Variants in BMP5 observed in about 807,000 individuals in gnomAD.
BMP5 encodes the protein bone morphogenetic protein 5.
A neutral mutation model predicts 46.6 loss-of-function variants in BMP5; 23 were observed. The observed-to-expected ratio is 0.49, with a 90% CI of 0.35 to 0.70. BMP5 has a LOEUF of 0.70. Ranked by LOEUF, BMP5 falls within the 30% of genes least tolerant of loss-of-function variation. BMP5 has a pLI of 0.00. For synonymous variants in BMP5, 204 were observed against 191.9 expected (o/e 1.06, Z -0.52); for missense variants, 545 against 565.6 (o/e 0.96, Z 0.37).
chr6:55,803,465 G>T (rs77355383), intron 2 of BMP5, among the ~76,000 whole-genome samples: 325 of 152,260 alleles, frequency 2.1e-3, no homozygotes, highest in African/African-American at 7.6e-3. Flanking sequence ...TTTGTTTGGG[G>T]CTGCTTTGAA....
intron 3 of BMP5, among the ~76,000 whole-genome samples, chr6:55,788,095 T>C (rs966638881): frequency 2.0e-5 from 3 of 151,636 alleles, no homozygotes; most frequent in Admixed American, 2.0e-4. Context: ...TTCTACTGTT[T>C]AACGCTTACT....
In BMP5 at chr6:55,807,590, G is replaced by A. The variant is rs375243404; in HGVS notation, c.683+12065C>T. ...ATGCTGGCCCCATAAAAGGAAGGAA[G>A]GACTCATCCCTTTTCAATTGTTTGA... On this transcript the variant is annotated intron_variant, in intron 2 of 6. Transcript: ENST00000370830. Among the ~76,000 whole-genome samples the A allele has an allele frequency of 5.1e-4, 77 of 152,258 alleles. No homozygotes were observed. The South Asian group carries it at 0.016, about 31-fold the overall frequency.
intron 1 of BMP5, among the ~76,000 whole-genome samples, chr6:55,824,027 T>G (rs2127540009): frequency 6.6e-6 from 1 of 152,070 alleles, no homozygotes; most frequent in South Asian, 2.1e-4. Flanking sequence ...CCGGCAGAAT[T>G]CCTTCATACC....
chr6:55,762,566 T>C (rs1173562458), intron 4 of BMP5, among the ~76,000 whole-genome samples: 1 of 152,122 alleles, frequency 6.6e-6, no homozygotes, highest in Non-Finnish European at 1.5e-5. Context: ...TACATTCTGG[T>C]TCTTCTTCAG....
intron 2 of BMP5, among the ~76,000 whole-genome samples, chr6:55,795,367 T>A (rs1775683633): frequency 6.6e-6 from 1 of 152,088 alleles, no homozygotes; most frequent in Non-Finnish European, 1.5e-5. Context: ...ATGCATTTTA[T>A]GACCTTTGAT....
At chr6:55,775,670 G>T (rs1191166157) in intron 3 of BMP5, among the ~76,000 whole-genome samples, 1 of 151,836 alleles carries the variant, frequency 6.6e-6, no homozygotes, top group African/African-American at 2.4e-5. Context: ...AGCAACCTCA[G>T]TCCATTATAA....
rs1369448840 is a variant in BMP5 at position 55,837,361 on chromosome 6, A to AGAT, written c.491-17517_491-17515dup. ...TAGATAGATAGATAGATAGATAGAT[A>AGAT]GATAGATAGATAGATAGACAGACAG... On this transcript the variant is annotated intron_variant, in intron 1 of 6. Transcript: ENST00000370830. Among the ~76,000 whole-genome samples the AGAT allele has an allele frequency of 4.9e-3, 736 of 150,720 alleles. 15 individuals are homozygous for AGAT. The highest frequency in any genetic ancestry group is 0.016 in the African/African-American group (663 of 40,500).
At chr6:55,772,854 GT>G in intron 4 of BMP5, 1 of 984,928 alleles carries the variant, frequency 1.0e-6, no homozygotes, top group Non-Finnish European at 1.2e-6. Context: ...GATTCTCCTG[GT>G]GCCTACCCTT....
In BMP5 at chr6:55,774,230, G is replaced by A. The variant is rs41271330; in HGVS notation, c.846C>T (p.Asn282=). ...CAETGDGRSI[N]VKSAGLVGRQ... Reference sequence around the variant, plus strand: ...TTCCCACAAGACCAGCAGATTTTACGTTGATACTGCGTCCTAGAACGTAAT... The same window carrying A: ...TTCCCACAAGACCAGCAGATTTTACATTGATACTGCGTCCTAGAACGTAAT... The change falls in exon 4 of 7, where the codon AAC becomes AAT. Residue 282 remains asparagine (N), a synonymous_variant. Transcript: ENST00000370830. 0.12 allele frequency: 194,521 copies of A among 1,612,094 alleles called. 12,686 individuals carry two copies. Among genetic ancestry groups the A allele is most frequent in the East Asian group, 0.15 (6,507 of 44,832 alleles).
intron 5 of BMP5, among the ~76,000 whole-genome samples, chr6:55,760,092 A>G (rs575283574): frequency 7.9e-5 from 12 of 152,092 alleles, no homozygotes; most frequent in East Asian, 5.8e-4. Context: ...GGACATTCCA[A>G]TAGTTGGAGA....
At chr6:55,866,562 C>A (rs1777644200) in intron 1 of BMP5, among the ~76,000 whole-genome samples, 3 of 152,098 alleles carry the variant, frequency 2.0e-5, no homozygotes, top group Non-Finnish European at 4.4e-5. Flanking sequence ...TGACAATAAA[C>A]AGGGATTTGA....
chr6:55,797,043 T>C (rs1279964396), intron 2 of BMP5, among the ~76,000 whole-genome samples: 1 of 152,208 alleles, frequency 6.6e-6, no homozygotes, highest in South Asian at 2.1e-4. Context: ...TCCTTTCATA[T>C]ACGAAGCTCT....
At chr6:55,818,288 C>T (rs1299699896) in intron 2 of BMP5, among the ~76,000 whole-genome samples, 1 of 151,636 alleles carries the variant, frequency 6.6e-6, no homozygotes, top group Non-Finnish European at 1.5e-5. Context: ...ATTTGCAAAG[C>T]CACTCAAAAT....
At chr6:55,757,262 C>T (rs1421838380) in intron 6 of BMP5, among the ~76,000 whole-genome samples, 3 of 151,704 alleles carry the variant, frequency 2.0e-5, no homozygotes, top group Non-Finnish European at 4.4e-5. Context: ...TACATTAGAT[C>T]CATATCTAAG....
chr6:55,822,357 CT>C (rs1776429464), intron 1 of BMP5, among the ~76,000 whole-genome samples: 1 of 152,102 alleles, frequency 6.6e-6, no homozygotes, highest in Non-Finnish European at 1.5e-5. Flanking sequence ...TTTAAAGTCT[CT>C]TTTTATCCCA....
intron 4 of BMP5, among the ~76,000 whole-genome samples, chr6:55,762,472 T>A (rs561626858): frequency 6.6e-6 from 1 of 152,276 alleles, no homozygotes; most frequent in South Asian, 2.1e-4. Flanking sequence ...AGGTTATTTA[T>A]TCCTACTATG....
At chr6:55,797,874 C>A (rs1172828859) in intron 2 of BMP5, among the ~76,000 whole-genome samples, 3 of 152,090 alleles carry the variant, frequency 2.0e-5, no homozygotes, top group Non-Finnish European at 4.4e-5. Flanking sequence ...CCTCGGCCTC[C>A]CAAAGTGCTG....
chr6:55,829,833 T>C (rs1227624881), intron 1 of BMP5, among the ~76,000 whole-genome samples: 1 of 152,014 alleles, frequency 6.6e-6, no homozygotes, highest in Non-Finnish European at 1.5e-5. Flanking sequence ...ATAATTTCTA[T>C]ATTCTCATTG....
intron 1 of BMP5, among the ~76,000 whole-genome samples, chr6:55,857,882 C>A (rs1222910754): frequency 1.3e-5 from 2 of 151,974 alleles, no homozygotes; most frequent in African/African-American, 4.8e-5. Flanking sequence ...GGATTACAGG[C>A]ATGCGCCACC....
Sources: allele counts gnomAD v4.1 joint callset (sites outside exome capture counted in the v4.1 genomes callset), GRCh38; gene constraint gnomAD v4.1.1; transcripts MANE v1.5; gene names NCBI Gene and HGNC (gene_info 2026-07-23, HGNC 2026-07-21).